Variants in NBEA observed in about 807,000 individuals in gnomAD.
NBEA encodes the protein neurobeachin, also known as lysosomal-trafficking regulator 2.
In NBEA, 44 loss-of-function variants were observed where a neutral mutation model predicts 343.4. The ratio of observed to expected loss-of-function variants is 0.13; its 90% CI spans 0.10 to 0.16. The LOEUF (loss-of-function observed/expected upper bound fraction) is 0.16. Ranked by LOEUF, NBEA falls within the 10% of genes least tolerant of loss-of-function variation. The pLI is 1.00. For synonymous variants in NBEA, 1,175 were observed against 1,238.7 expected (o/e 0.95, Z 1.08); for missense variants, 2,555 against 3,631.3 (o/e 0.70, Z 7.62).
intron 17 of NBEA, among the ~76,000 whole-genome samples, chr13:35,139,309 C>G (rs2067938566): frequency 6.6e-6 from 1 of 152,086 alleles, no homozygotes; most frequent in African/African-American, 2.4e-5. Flanking sequence ...GATCCGCCTG[C>G]CTCGGCCTCC....
rs959834915 is a variant in NBEA, at chr13:35,098,217, CATA to C, written c.1572-75_1572-73del. On this transcript the variant is annotated intron_variant, in intron 10 of 58. Coordinates refer to ENST00000379939, the MANE Select transcript of NBEA (RefSeq NM_001385012.1). ...AGATTTGAATATGGTTATCTTTTGGCATAATAAAATACTGAAGTGGGACACTGT... is the reference window on the plus strand; with the variant it reads ...AGATTTGAATATGGTTATCTTTTGGCATAAAATACTGAAGTGGGACACTGT... 7.6e-6 allele frequency: 7 copies of C among 921,950 alleles called. No individual in the cohort carries two copies. In the African/African-American group the frequency reaches 1.2e-4, roughly 15 times the overall value. The allele number at this position is 921,950 out of a possible 1,614,324, so 57.1% of individuals were successfully genotyped here.
At chr13:35,034,152 A>C (rs2062349609) in intron 1 of NBEA, among the ~76,000 whole-genome samples, 1 of 151,626 alleles carries the variant, frequency 6.6e-6, no homozygotes, top group Admixed American at 6.6e-5. Context: ...GTGGGTCTGT[A>C]GTATATGCTT....
chr13:35,655,907 A>T (rs2084791740), intron 55 of NBEA, among the ~76,000 whole-genome samples, 158 bp downstream of exon 55: 1 of 152,200 alleles, frequency 6.6e-6, no homozygotes, highest in Admixed American at 6.6e-5. Context: ...CTATGTTCAA[A>T]GTGTTAAAAT....
chr13:35,080,223 C>T (rs918045605), intron 10 of NBEA, among the ~76,000 whole-genome samples: 13 of 152,138 alleles, frequency 8.5e-5, no homozygotes, highest in African/African-American at 2.9e-4. Flanking sequence ...TAACTTTTGT[C>T]CCTCCTAGTA....
intron 1 of NBEA, among the ~76,000 whole-genome samples, chr13:34,962,141 T>C (rs1439422117): frequency 6.6e-6 from 1 of 152,086 alleles, no homozygotes; most frequent in Non-Finnish European, 1.5e-5. Context: ...ACTTGCGCTG[T>C]ATTTTTATTG....
At chr13:35,420,011 G>A (rs1054526911) in intron 38 of NBEA, among the ~76,000 whole-genome samples, 19 of 152,032 alleles carry the variant, frequency 1.2e-4, no homozygotes, top group African/African-American at 2.4e-5. Context: ...CTTAGTTCTA[G>A]GAGTGTTTGA....
At chr13:35,535,505 G>A (rs2078494249) in intron 41 of NBEA, among the ~76,000 whole-genome samples, 1 of 152,128 alleles carries the variant, frequency 6.6e-6, no homozygotes, top group Admixed American at 6.5e-5. Context: ...GGTCAAGGCA[G>A]AGACTGCTCC....
At chr13:35,026,490 A>G (rs1356016150) in intron 1 of NBEA, among the ~76,000 whole-genome samples, 3 of 152,056 alleles carry the variant, frequency 2.0e-5, no homozygotes, top group Non-Finnish European at 4.4e-5. Flanking sequence ...ATGCATGGCA[A>G]TATCTTTCAT....
At chr13:35,306,511 G>T (rs890806612) in intron 35 of NBEA, among the ~76,000 whole-genome samples, 1 of 151,732 alleles carries the variant, frequency 6.6e-6, no homozygotes, top group African/African-American at 2.4e-5. Flanking sequence ...ATCTTCATAT[G>T]TCCCAGTTTT....
chr13:35,627,832 G>GTTTA (rs909670547), intron 48 of NBEA, among the ~76,000 whole-genome samples: 12 of 152,060 alleles, frequency 7.9e-5, no homozygotes, highest in African/African-American at 2.9e-4. Flanking sequence ...CCAAGAGAAA[G>GTTTA]TTTAGCATTT....
At chr13:34,957,962 C>T (rs995444944) in intron 1 of NBEA, among the ~76,000 whole-genome samples, 3 of 151,838 alleles carry the variant, frequency 2.0e-5, no homozygotes, top group Admixed American at 6.6e-5. Flanking sequence ...TGGCGGTGAG[C>T]GCTTATAATG....
chr13:35,284,607 A>C (rs1594075710), intron 34 of NBEA, among the ~76,000 whole-genome samples: 1 of 152,156 alleles, frequency 6.6e-6, no homozygotes, highest in Non-Finnish European at 1.5e-5. Context: ...TAATTTTAGC[A>C]ATGATAAAAA....
chr13:35,617,978 T>A (rs2082812967), intron 48 of NBEA, among the ~76,000 whole-genome samples: 2 of 152,226 alleles, frequency 1.3e-5, no homozygotes, highest in Admixed American at 6.5e-5. Flanking sequence ...ATTTTTTATG[T>A]TGTTTTGTAA....
chr13:35,311,567 A>G (rs1420832326), intron 36 of NBEA, among the ~76,000 whole-genome samples: 4 of 152,096 alleles, frequency 2.6e-5, no homozygotes, highest in Non-Finnish European at 5.9e-5. Flanking sequence ...AAAAATTTCA[A>G]TCTAGGTTGG....
intron 18 of NBEA, among the ~76,000 whole-genome samples, chr13:35,149,615 A>T (rs1001179582): frequency 6.6e-6 from 1 of 152,148 alleles, no homozygotes; most frequent in African/African-American, 2.4e-5. Flanking sequence ...CCTAATATTC[A>T]TGAACACGTG....
At chr13:35,490,775 G>T (rs1368057341) in intron 41 of NBEA, among the ~76,000 whole-genome samples, 2 of 151,846 alleles carry the variant, frequency 1.3e-5, no homozygotes, top group African/African-American at 4.8e-5. Context: ...ACACTATGAA[G>T]TAGAAACTTC....
At chr13:35,194,879 T>C (rs944034956) in intron 30 of NBEA, among the ~76,000 whole-genome samples, 2 of 152,114 alleles carry the variant, frequency 1.3e-5, no homozygotes, top group African/African-American at 4.8e-5. Context: ...TATGCACATA[T>C]ATGTTTCTGA....
chr13:35,125,136 A>AGGG lies in NBEA; in HGVS notation c.2336+1562_2336+1563insGGG, dbSNP rs1158731822. Among the ~76,000 whole-genome samples, 4 of 152,264 alleles carry AGGG rather than the reference A, an allele frequency of 2.6e-5. No homozygotes were observed. The East Asian group carries it at 7.7e-4, about 29-fold the overall frequency. On this transcript the variant is annotated intron_variant, in intron 17 of 58. Transcript: ENST00000379939. The stretch of plus-strand genomic sequence containing the variant: ...GCCTATTTTCCCCCTTTTTCCTGTA[A>AGGG]AATGTATAAATGATACAACAAGAAG...
intron 40 of NBEA, among the ~76,000 whole-genome samples, chr13:35,461,938 T>A (rs1019198000): frequency 6.6e-6 from 1 of 152,234 alleles, no homozygotes; most frequent in Non-Finnish European, 1.5e-5. Flanking sequence ...TACAAATAGC[T>A]AGTCCAGTAG....
Sources: allele counts gnomAD v4.1 joint callset (sites outside exome capture counted in the v4.1 genomes callset), GRCh38; gene constraint gnomAD v4.1.1; transcripts MANE v1.5; gene names NCBI Gene and HGNC (gene_info 2026-07-23, HGNC 2026-07-21).